Variants in MBNL1 observed in about 807,000 individuals in gnomAD.
MBNL1 encodes muscleblind-like protein 1.
A neutral mutation model predicts 42.2 loss-of-function variants in MBNL1; 8 were observed. The observed-to-expected ratio is 0.19, with a 90% CI of 0.11 to 0.34. The LOEUF is 0.34. MBNL1 is among the 10% of genes least tolerant of loss of function. The pLI, the probability that MBNL1 is intolerant of heterozygous loss-of-function variation, is 1.00. For missense variants in MBNL1, 309 were observed against 495.3 expected, an observed-to-expected ratio of 0.62 and a Z score of 3.57; for synonymous variants, 169 against 173.9, an observed-to-expected ratio of 0.97 and a Z score of 0.22.
At chr3:152,377,393 C>T (rs1420937316) in intron 2 of MBNL1, among the ~76,000 whole-genome samples, 2 of 151,850 alleles carry the variant, frequency 1.3e-5, no homozygotes, top group African/African-American at 2.4e-5. Context: ...GTTATAGAAC[C>T]GAAATTAAAT....
intron 2 of MBNL1, among the ~76,000 whole-genome samples, chr3:152,332,602 G>A (rs1466247424): frequency 3.3e-5 from 5 of 151,950 alleles, no homozygotes. Flanking sequence ...GCCACCAAAT[G>A]GCTGTATTTC....
At chr3:152,263,174 G>GT (rs1256817362), upstream of MBNL1, 4 of 152,064 alleles carry the variant, frequency 2.6e-5, no homozygotes, top group Admixed American at 6.5e-5. Flanking sequence ...GGTGGCCTTT[G>GT]TTTTATAAGA....
At chr3:152,367,296 TGTTA>T (rs2096441359) in intron 2 of MBNL1, among the ~76,000 whole-genome samples, 1 of 151,868 alleles carries the variant, frequency 6.6e-6, no homozygotes, top group Non-Finnish European at 1.5e-5. Context: ...TCTGTTCCTG[TGTTA>T]GTTTGCTGAG....
rs186100877 is a variant in MBNL1 at position 152,319,069 on chromosome 3, A to G, written c.174+18702A>G. Among the ~76,000 whole-genome samples the G allele has an allele frequency of 2.5e-3, 376 of 152,318 alleles. 1 individual carries two copies. Among genetic ancestry groups the G allele is most frequent in the Middle Eastern group, 6.8e-3 (2 of 294 alleles). On this transcript the variant is annotated intron_variant, in intron 2 of 9. Transcript: ENST00000324210. ...ATTTTTACTAGAGTAAGTTGGAGAG[A>G]CAAATCAGTGAGTAGTCAAGTCTTC...
chr3:152,362,824 G>T (rs532523838), intron 2 of MBNL1, among the ~76,000 whole-genome samples: 222 of 152,232 alleles, frequency 1.5e-3, no homozygotes, highest in South Asian at 7.3e-3. Flanking sequence ...TGGGCTAATT[G>T]TATTTATTTA....
At chr3:152,407,962 A>G (rs970595419) in intron 2 of MBNL1, among the ~76,000 whole-genome samples, 7 of 152,014 alleles carry the variant, frequency 4.6e-5, no homozygotes, top group South Asian at 2.1e-4. Flanking sequence ...AACAACATAC[A>G]CTGGAGTTTG....
intron 2 of MBNL1, among the ~76,000 whole-genome samples, chr3:152,399,624 C>T (rs898201668): frequency 6.6e-6 from 1 of 151,928 alleles, no homozygotes; most frequent in African/African-American, 2.4e-5. Flanking sequence ...GCAATTCTCC[C>T]AAGTAGCTGG....
At chr3:152,449,279 C>T (rs1580713427) in intron 6 of MBNL1, 1 of 152,140 alleles carries the variant, frequency 6.6e-6, no homozygotes, top group Non-Finnish European at 1.5e-5. Flanking sequence ...TTCAGCTAGA[C>T]CAGAGGTAGT....
At position 152,297,417 on chromosome 3, in the gene MBNL1, C is replaced by T. The variant is rs529972070; in HGVS notation, c.-789-1988C>T. Among the ~76,000 whole-genome samples, 821 of 149,426 alleles carry T rather than the reference C, an allele frequency of 5.5e-3. 5 individuals carry two copies. The highest frequency in any genetic ancestry group is 7.7e-3 in the Non-Finnish European group (518 of 67,612). ...GGAGTGCAGTGGCGCAATCTCGGCTCACTGCAACATTCACCTCCCAGGTTC... is the reference window on the plus strand; with the variant it reads ...GGAGTGCAGTGGCGCAATCTCGGCTTACTGCAACATTCACCTCCCAGGTTC... On this transcript the variant is annotated intron_variant, in intron 1 of 9. Transcript: ENST00000324210.
intron 3 of MBNL1, among the ~76,000 whole-genome samples, chr3:152,429,493 T>C (rs2098978197): frequency 6.6e-6 from 1 of 152,264 alleles, no homozygotes; most frequent in Non-Finnish European, 1.5e-5. Context: ...GTATCAAATA[T>C]ACCAATTACA....
intron 2 of MBNL1, among the ~76,000 whole-genome samples, chr3:152,246,321 G>A (rs1419200652): frequency 6.6e-6 from 1 of 152,084 alleles, no homozygotes; most frequent in Non-Finnish European, 1.5e-5. Flanking sequence ...TAAAGCAGCA[G>A]AGAAGATACT....
intron 1 of MBNL1, among the ~76,000 whole-genome samples, chr3:152,291,884 C>T (rs889424473): frequency 3.3e-5 from 5 of 152,168 alleles, no homozygotes; most frequent in African/African-American, 9.7e-5. Flanking sequence ...TCAAGCAGTA[C>T]TCCCATTTCA....
rs984358932 is a variant in MBNL1, at chr3:152,268,968, A to G, written c.-914A>G. ...AGCTGAATGAGTTGTGGCGCCCACAATGCTCCCATGACAAGGAGCTGACAA... is the reference window on the plus strand; with the variant it reads ...AGCTGAATGAGTTGTGGCGCCCACAGTGCTCCCATGACAAGGAGCTGACAA... On this transcript the variant is annotated 5_prime_UTR_variant, in exon 1 of 10. It removes an upstream start codon present in the reference 5' UTR. Coordinates refer to ENST00000324210, the MANE Select transcript of MBNL1 (RefSeq NM_021038.5). 3 of 456,188 alleles carry G rather than the reference A, an allele frequency of 6.6e-6. No homozygotes were observed. Among genetic ancestry groups the G allele is most frequent in the East Asian group, 7.0e-5 (1 of 14,384 alleles). 28.3% of individuals were successfully genotyped at this position (456,188 alleles called of 1,614,324 possible). A position where few individuals can be genotyped will look rare whatever the true frequency, so the allele number is the denominator to read the frequency against.
At chr3:152,246,181 A>G (rs2032955121) in intron 2 of MBNL1, among the ~76,000 whole-genome samples, 1 of 152,212 alleles carries the variant, frequency 6.6e-6, no homozygotes, top group Non-Finnish European at 1.5e-5. Context: ...TTTTGATATC[A>G]TGAGCTATTA....
intron 1 of MBNL1, among the ~76,000 whole-genome samples, chr3:152,286,388 A>G (rs935414218): frequency 7.5e-6 from 1 of 132,670 alleles, no homozygotes; most frequent in Non-Finnish European, 1.7e-5. Flanking sequence ...ATATTTAATT[A>G]TATTTTATTT....
At chr3:152,283,603 G>A (rs1038466864) in intron 1 of MBNL1, among the ~76,000 whole-genome samples, 1 of 152,158 alleles carries the variant, frequency 6.6e-6, no homozygotes, top group African/African-American at 2.4e-5. Context: ...TACTGACTCT[G>A]CCCTTGGGTG....
At chr3:152,454,525 G>T (rs1729879263) in intron 6 of MBNL1, among the ~76,000 whole-genome samples, 4 of 152,190 alleles carry the variant, frequency 2.6e-5, no homozygotes, top group African/African-American at 9.6e-5. Flanking sequence ...ATATGGGAAA[G>T]TGCCTTGTAC....
At chr3:152,413,372 C>T (rs1439229174) in intron 2 of MBNL1, among the ~76,000 whole-genome samples, 4 of 152,144 alleles carry the variant, frequency 2.6e-5, no homozygotes, top group African/African-American at 4.8e-5. Flanking sequence ...GATAGAGAGC[C>T]TGAGGCTTAC....
At chr3:152,331,666 C>A (rs557997429) in intron 2 of MBNL1, among the ~76,000 whole-genome samples, 3 of 152,056 alleles carry the variant, frequency 2.0e-5, no homozygotes, top group Non-Finnish European at 4.4e-5. Flanking sequence ...TTACCTTACT[C>A]ATTTACATGT....
Sources: allele counts gnomAD v4.1 joint callset (sites outside exome capture counted in the v4.1 genomes callset), GRCh38; gene constraint gnomAD v4.1.1; transcripts MANE v1.5; gene names NCBI Gene and HGNC (gene_info 2026-07-23, HGNC 2026-07-21).